Variants in PRDM6 observed in about 807,000 individuals in gnomAD.
PRDM6 encodes PR/SET domain 6.
A neutral mutation model predicts 60.8 loss-of-function variants in PRDM6; 25 were observed. The observed-to-expected ratio is 0.41, with a 90% CI of 0.30 to 0.57. The LOEUF is 0.57. PRDM6 is among the 20% of genes least tolerant of loss of function. PRDM6 has a pLI of 0.27. For synonymous variants in PRDM6, 407 were observed against 357.4 expected (o/e 1.14, Z -1.57); for missense variants, 839 against 821.3 (o/e 1.02, Z -0.26).
chr5:123,092,388 A>C (rs1171650733), intron 2 of PRDM6, among the ~76,000 whole-genome samples: 1 of 152,230 alleles, frequency 6.6e-6, no homozygotes, highest in Non-Finnish European at 1.5e-5. Context: ...ATGCTAGAGA[A>C]GTCACCAGCA....
chr5:123,156,114 C>A, intron 4 of PRDM6, 103 bp downstream of exon 4: 2 of 1,156,790 alleles, frequency 1.7e-6, no homozygotes, highest in Non-Finnish European at 1.2e-6. Flanking sequence ...CTGCAGAACT[C>A]TGCAAGGACT....
chr5:123,148,699 T>C (rs753928398), intron 3 of PRDM6, among the ~76,000 whole-genome samples: 1 of 152,214 alleles, frequency 6.6e-6, no homozygotes, highest in African/African-American at 2.4e-5. Flanking sequence ...TACATTTTAA[T>C]AACATTAATT....
Position 123,190,417 on chromosome 5 carries a change from G to A in PRDM6, c.*3216G>A, listed in dbSNP as rs1353098100. On this transcript the variant is annotated 3_prime_UTR_variant, in exon 8 of 8. Transcript: ENST00000407847. ...TAGATAAGCTTTTCATTTTTGTTTT[G>A]TTTTTATCTTTAAAAATGACTTTTT... is the stretch of plus-strand genomic sequence containing the variant. 2 of 152,042 alleles carry A rather than the reference G, an allele frequency of 1.3e-5. No individual in the cohort carries two copies. Among genetic ancestry groups the A allele is most frequent in the East Asian group, 1.9e-4 (1 of 5,172 alleles). The allele number at this position is 152,042 out of a possible 1,614,324, so 9.4% of individuals were successfully genotyped here.
At chr5:123,135,022 C>T (rs1580507129) in intron 3 of PRDM6, among the ~76,000 whole-genome samples, 1 of 150,694 alleles carries the variant, frequency 6.6e-6, no homozygotes, top group Admixed American at 6.6e-5. Flanking sequence ...AGTCACTGAT[C>T]CCTGTACTCC....
chr5:123,166,243 G>A (rs1292149593), intron 5 of PRDM6, among the ~76,000 whole-genome samples: 1 of 152,038 alleles, frequency 6.6e-6, no homozygotes, highest in African/African-American at 2.4e-5. Flanking sequence ...TCCTACTTCA[G>A]CATGGCACAA....
chr5:123,146,579 A>G (rs1216853925), intron 3 of PRDM6, among the ~76,000 whole-genome samples: 3 of 152,178 alleles, frequency 2.0e-5, no homozygotes, highest in African/African-American at 4.8e-5. Context: ...TCCAAAATTG[A>G]TACTTTCTCA....
chr5:123,110,218 T>G (rs988120972), intron 3 of PRDM6, among the ~76,000 whole-genome samples: 12 of 152,032 alleles, frequency 7.9e-5, no homozygotes, highest in African/African-American at 2.7e-4. Context: ...GAACAAAAAT[T>G]TTGACTAAAA....
chr5:123,148,401 T>C (rs1325034638), intron 3 of PRDM6, among the ~76,000 whole-genome samples: 2 of 152,166 alleles, frequency 1.3e-5, no homozygotes, highest in Non-Finnish European at 2.9e-5. Flanking sequence ...GGAAAGGATT[T>C]CCTTATTAGA....
At chr5:123,155,711 T>C (rs1371170665) in intron 3 of PRDM6, among the ~76,000 whole-genome samples, 173 bp from the exon 4 acceptor site, 1 of 152,208 alleles carries the variant, frequency 6.6e-6, no homozygotes, top group East Asian at 1.9e-4. Context: ...ACTTGCATCA[T>C]CAAAACATAT....
chr5:123,168,108 T>G (rs909667590), intron 5 of PRDM6, among the ~76,000 whole-genome samples: 2 of 152,244 alleles, frequency 1.3e-5, no homozygotes, highest in Non-Finnish European at 2.9e-5. Flanking sequence ...AGTAACAATC[T>G]GTGTGCCATA....
At chr5:123,158,078 C>T (rs1346342840) in intron 4 of PRDM6, among the ~76,000 whole-genome samples, 1 of 152,240 alleles carries the variant, frequency 6.6e-6, no homozygotes, top group Admixed American at 6.5e-5. Flanking sequence ...TTTTTTCCGC[C>T]TTTCGGCCTA....
At chr5:123,123,689 T>TTC (rs1764630302) in intron 3 of PRDM6, among the ~76,000 whole-genome samples, 1 of 152,232 alleles carries the variant, frequency 6.6e-6, no homozygotes, top group Non-Finnish European at 1.5e-5. Context: ...TAGGCATGAT[T>TTC]TCTCGTTCCT....
chr5:123,182,291 G>A (rs907247040), intron 7 of PRDM6, among the ~76,000 whole-genome samples: 1 of 152,212 alleles, frequency 6.6e-6, no homozygotes, highest in Non-Finnish European at 1.5e-5. Context: ...CTCTGGAGGA[G>A]GGTGTTGACA....
intron 3 of PRDM6, among the ~76,000 whole-genome samples, chr5:123,145,097 G>T (rs1237898367): frequency 6.6e-6 from 1 of 152,180 alleles, no homozygotes; most frequent in East Asian, 1.9e-4. Context: ...ATCCTTGCAT[G>T]CTTGTTTAAT....
At chr5:123,116,280 A>G (rs556177471) in intron 3 of PRDM6, among the ~76,000 whole-genome samples, 25 of 152,344 alleles carry the variant, frequency 1.6e-4, no homozygotes, top group African/African-American at 6.0e-4. Flanking sequence ...TGTAGTGACA[A>G]CACTGAACAT....
At chr5:123,125,465 A>G (rs1466943391) in intron 3 of PRDM6, among the ~76,000 whole-genome samples, 3 of 152,234 alleles carry the variant, frequency 2.0e-5, no homozygotes, top group African/African-American at 7.2e-5. Context: ...CAAGCTGCGT[A>G]GCACAGTTTA....
chr5:123,190,826 A>G lies in PRDM6; in HGVS notation c.*3625A>G, dbSNP rs982633289. 6.6e-6 allele frequency: 1 copy of G among 152,214 alleles called. No individual in the cohort carries two copies. The highest frequency in any genetic ancestry group is 1.5e-5 in the Non-Finnish European group (1 of 68,034). The allele number at this position is 152,214 out of a possible 1,614,324, so 9.4% of individuals were successfully genotyped here. On this transcript the variant is annotated 3_prime_UTR_variant, in exon 8 of 8. Transcript: ENST00000407847. Reference sequence around the variant, plus strand: ...CATAAGCAGCATTATTTAAGTGACTATTCATGATAAAATAATATTCTCCTC... The same window carrying G: ...CATAAGCAGCATTATTTAAGTGACTGTTCATGATAAAATAATATTCTCCTC...
At chr5:123,146,539 T>C (rs186820949) in intron 3 of PRDM6, among the ~76,000 whole-genome samples, 36 of 152,360 alleles carry the variant, frequency 2.4e-4, no homozygotes, top group African/African-American at 8.7e-4. Flanking sequence ...TGGAGGAAGA[T>C]GTTAATACAA....
chr5:123,144,039 G>A (rs764455466), intron 3 of PRDM6, among the ~76,000 whole-genome samples: 1 of 152,176 alleles, frequency 6.6e-6, no homozygotes, highest in Non-Finnish European at 1.5e-5. Context: ...TGGCTTCAAA[G>A]GTCTAAATTT....
Sources: allele counts gnomAD v4.1 joint callset (sites outside exome capture counted in the v4.1 genomes callset), GRCh38; gene constraint gnomAD v4.1.1; transcripts MANE v1.5; gene names NCBI Gene and HGNC (gene_info 2026-07-23, HGNC 2026-07-21).